The following LRPPRC variants were observed in gnomAD, a reference collection of about 807,000 sequenced individuals.
The protein encoded by LRPPRC is leucine rich pentatricopeptide repeat containing, also known as leucine-rich PPR motif-containing protein, mitochondrial.
Under a neutral mutation model 180.3 loss-of-function variants are expected in LRPPRC, and 120 were observed. The ratio of observed to expected loss-of-function variants is 0.67; its 90% CI spans 0.57 to 0.77. LRPPRC has a LOEUF of 0.77. LRPPRC is among the 30% of genes least tolerant of loss of function. LRPPRC has a pLI of 0.00. For missense variants in LRPPRC, 2,012 were observed against 1,657.2 expected (o/e 1.21, Z -3.72); for synonymous variants, 723 against 600.0 (o/e 1.21, Z -3.00).
chr2:43,990,712 T>C (rs1448648511), intron 1 of LRPPRC, among the ~76,000 whole-genome samples: 1 of 152,222 alleles, frequency 6.6e-6, no homozygotes, highest in Non-Finnish European at 1.5e-5. Flanking sequence ...CAATATTATA[T>C]TCTTCTCTTA....
intron 1 of LRPPRC, among the ~76,000 whole-genome samples, chr2:43,991,186 T>C (rs1018109206): frequency 1.3e-5 from 2 of 151,894 alleles, no homozygotes; most frequent in African/African-American, 4.8e-5. Flanking sequence ...CCCGCCACCA[T>C]TGCTAATTTT....
At chr2:43,974,906 T>A (rs1050413194) in intron 7 of LRPPRC, 148 bp from the exon 8 acceptor site, 3 of 954,750 alleles carry the variant, frequency 3.1e-6, no homozygotes, top group Non-Finnish European at 4.9e-6. Context: ...AATACTCTAC[T>A]TCAACAGTAA....
In LRPPRC at chr2:43,925,169, G is replaced by C. The variant is rs746649025; in HGVS notation, c.2806-12C>G. On this transcript the variant is annotated splice_polypyrimidine_tract_variant and intron_variant, in intron 26 of 37. Coordinates refer to ENST00000260665, the MANE Select transcript of LRPPRC (RefSeq NM_133259.4). The stretch of plus-strand genomic sequence containing the variant: ...TCCAGAGTTTCAACCTTAAAAGTAA[G>C]ATTAAGAGATAGATCTACCTTGTGT... The C allele has an allele frequency of 1.5e-6, 2 of 1,291,646 alleles. No homozygotes were observed. Among genetic ancestry groups the C allele is most frequent in the Non-Finnish European group, 2.3e-6 (2 of 886,084 alleles). The allele number at this position is 1,291,646 out of a possible 1,614,324, so 80.0% of individuals were successfully genotyped here.
chr2:43,952,702 G>T (rs1317204127), intron 14 of LRPPRC, among the ~76,000 whole-genome samples: 1 of 152,146 alleles, frequency 6.6e-6, no homozygotes, highest in African/African-American at 2.4e-5. Context: ...AATCCTGCAT[G>T]TACGTATTTA....
intron 29 of LRPPRC, among the ~76,000 whole-genome samples, chr2:43,913,239 GA>G (rs2105014476): frequency 6.6e-6 from 1 of 152,226 alleles, no homozygotes; most frequent in East Asian, 1.9e-4. Context: ...GTTACCAAAA[GA>G]GAAGTAACTA....
chr2:43,909,588 C>G (rs1671184471), intron 30 of LRPPRC, among the ~76,000 whole-genome samples: 1 of 147,720 alleles, frequency 6.8e-6, no homozygotes, highest in Non-Finnish European at 1.5e-5. Context: ...CATAAGTGTT[C>G]TCTCTCACAC....
intron 23 of LRPPRC, among the ~76,000 whole-genome samples, chr2:43,942,631 T>C (rs1672523543): frequency 6.6e-6 from 1 of 152,120 alleles, no homozygotes; most frequent in Non-Finnish European, 1.5e-5. Flanking sequence ...AAATCATTTA[T>C]TATATTCAAT....
rs373716781 is a variant in LRPPRC, at chr2:43,957,427, G to C, written c.1607C>G (p.Ser536Trp). The change falls in exon 14 of 38, where the codon TCG (serine) becomes TGG (tryptophan). Residue 536 changes from serine (S) to tryptophan (W), a missense_variant. Ser to Trp is a radical substitution (Grantham distance 177). Transcript: ENST00000260665. The stretch of plus-strand genomic sequence containing the variant: ...TAGGCTACTTCTTATAGACTGCAGC[G>C]AGATGGGCAATGTATTTGATTTCAC... ...SFLKSNTLPI[S>W]LQSIRSSLLL... 6.2e-7 allele frequency: 1 copy of C among 1,613,094 alleles called. No homozygotes were observed.
chr2:43,899,257 C>G lies in LRPPRC; in HGVS notation c.3787G>C (p.Asp1263His), dbSNP rs144285550. ...CTGGCATCATCCACCTTGCCTGCAT[C>G]CACAAGTTGAAGGAAAAAATCAGTG... ...PVTDFFLQLV[D>H]AGKVDDARAL... is the part of the protein sequence containing the mutation. Residue 1263 changes from aspartate (D) to histidine (H), a missense_variant, in exon 34 of 38, where the codon GAT (aspartate) becomes CAT (histidine). Physicochemically the swap from Asp to His is moderately conservative, Grantham distance 81. Coordinates refer to ENST00000260665, the MANE Select transcript of LRPPRC (RefSeq NM_133259.4). 3.1e-6 allele frequency: 5 copies of G among 1,614,090 alleles called. No homozygotes were observed. The highest frequency in any genetic ancestry group is 4.2e-6 in the Non-Finnish European group (5 of 1,180,002).
At position 43,888,397 on chromosome 2, in the gene LRPPRC, T is replaced by C; in HGVS notation, c.*203A>G. The C allele has an allele frequency of 2.0e-6, 1 of 504,414 alleles. No individual in the cohort carries two copies. The highest frequency in any genetic ancestry group is 3.6e-6 in the Non-Finnish European group (1 of 278,828). The allele number at this position is 504,414 out of a possible 1,614,324, so 31.2% of individuals were successfully genotyped here. On this transcript the variant is annotated 3_prime_UTR_variant, in exon 38 of 38. Coordinates refer to ENST00000260665, the MANE Select transcript of LRPPRC (RefSeq NM_133259.4). ...AGCAGCAGCATTGAAGAAAACACTA[T>C]CGATTTTTCCCAGAGAAAAAAACTC...
chr2:43,991,035 T>A (rs1292645897), intron 1 of LRPPRC, among the ~76,000 whole-genome samples: 3 of 147,952 alleles, frequency 2.0e-5, no homozygotes, highest in Non-Finnish European at 4.5e-5. Flanking sequence ...TACTTTTATT[T>A]TTTTTTTTTT....
At chr2:43,909,867 C>T (rs965720937) in intron 30 of LRPPRC, among the ~76,000 whole-genome samples, 9 of 152,006 alleles carry the variant, frequency 5.9e-5, no homozygotes, top group Non-Finnish European at 1.0e-4. Context: ...AAATTTAAGG[C>T]AAATAGACGG....
At chr2:43,908,828 C>A (rs527673190) in intron 30 of LRPPRC, among the ~76,000 whole-genome samples, 1 of 152,324 alleles carries the variant, frequency 6.6e-6, no homozygotes, top group Admixed American at 6.5e-5. Context: ...AGCCACCATG[C>A]TCGGCCAAAA....
Position 43,995,960 on chromosome 2 carries a change from C to T in LRPPRC, c.-13G>A, listed in dbSNP as rs1021446016. 3.1e-5 allele frequency: 47 copies of T among 1,524,470 alleles called. No individual in the cohort carries two copies. The African/African-American group carries it at 5.4e-4, about 18-fold the overall frequency. The allele number at this position is 1,524,470 out of a possible 1,614,324, so 94.4% of individuals were successfully genotyped here. A position where few individuals can be genotyped will look rare whatever the true frequency, so the allele number is the denominator to read the frequency against. ...GCAGGGCTGCCATTGCTCGAACGTC[C>T]CCGCAGCGGGAAGCACGCTCCGCCA... On this transcript the variant is annotated 5_prime_UTR_variant, in exon 1 of 38. Transcript: ENST00000260665.
rs760186575 is a variant in LRPPRC at position 43,982,301 on chromosome 2, G to A, written c.283C>T (p.Arg95Ter). 11 of 1,589,572 alleles carry A rather than the reference G, an allele frequency of 6.9e-6. No homozygotes were observed. The highest frequency in any genetic ancestry group is 5.8e-5 in the South Asian group (5 of 86,954). Residue 95 changes from arginine (R) to a stop codon, truncating the protein, a stop_gained, in exon 2 of 38, where the codon CGA becomes TGA. Coordinates refer to ENST00000260665, the MANE Select transcript of LRPPRC (RefSeq NM_133259.4). LOFTEE classifies it high-confidence loss of function. Reference protein sequence around the residue: ...WALMRLDLSVRRTGRIPKKLL... With the variant: ...WALMRLDLSV ...TTCTTTGGAATGCGGCCAGTTCTTCGAACAGAAAGATCTAGTCTCATTAGA... is the reference window on the plus strand; with the variant it reads ...TTCTTTGGAATGCGGCCAGTTCTTCAAACAGAAAGATCTAGTCTCATTAGA...
At chr2:43,936,663 G>C (rs552406548) in intron 23 of LRPPRC, among the ~76,000 whole-genome samples, 3 of 152,312 alleles carry the variant, frequency 2.0e-5, no homozygotes, top group Admixed American at 6.5e-5. Flanking sequence ...TGCAATAATA[G>C]TGACACAGTG....
At chr2:43,983,466 C>A (rs932114273) in intron 1 of LRPPRC, among the ~76,000 whole-genome samples, 2 of 152,050 alleles carry the variant, frequency 1.3e-5, no homozygotes, top group Non-Finnish European at 2.9e-5. Context: ...TTAAAAATAT[C>A]AGATAAAAAA....
intron 11 of LRPPRC, among the ~76,000 whole-genome samples, chr2:43,969,208 C>T (rs1048833156): frequency 3.3e-5 from 5 of 152,050 alleles, no homozygotes; most frequent in Non-Finnish European, 5.9e-5. Flanking sequence ...GTCAGGAGAT[C>T]GAGACCATTC....
At chr2:43,928,912 T>C (rs185453775) in intron 25 of LRPPRC, among the ~76,000 whole-genome samples, 194 of 152,318 alleles carry the variant, frequency 1.3e-3, no homozygotes, top group Admixed American at 3.1e-3. Flanking sequence ...GAACTACTAA[T>C]AGCCTACTGT....
Sources: gnomAD v4.1 joint callset for allele counts (sites outside exome capture counted in the v4.1 genomes callset) on GRCh38, gnomAD v4.1.1 for gene constraint, MANE v1.5 for transcripts, NCBI Gene and HGNC (gene_info 2026-07-23, HGNC 2026-07-21) for gene names.